Variants in PTPRD observed in about 807,000 individuals in gnomAD.
PTPRD encodes the protein protein tyrosine phosphatase receptor type D.
A neutral mutation model predicts 214.5 loss-of-function variants in PTPRD; 34 were observed. The observed-to-expected ratio is 0.16, with a 90% CI of 0.12 to 0.21. PTPRD has a LOEUF of 0.21. PTPRD is among the 10% of genes least tolerant of loss of function. The pLI is 1.00. For synonymous variants in PTPRD, 1,128 were observed against 845.7 expected, an observed-to-expected ratio of 1.33 and a Z score of -5.79; for missense variants, 2,545 against 2,398.7, an observed-to-expected ratio of 1.06 and a Z score of -1.27.
chr9:9,299,109 T>C (rs1424497186), intron 9 of PTPRD, among the ~76,000 whole-genome samples: 1 of 151,740 alleles, frequency 6.6e-6, no homozygotes, highest in Admixed American at 6.6e-5. Flanking sequence ...GAAAAACTAA[T>C]TGTGTCTCCA....
At chr9:8,372,741 T>C (rs1395445250) in intron 39 of PTPRD, among the ~76,000 whole-genome samples, 1 of 152,060 alleles carries the variant, frequency 6.6e-6, no homozygotes, top group African/African-American at 2.4e-5. Context: ...ATCCCTAAAA[T>C]TCTTTTTTGT....
intron 2 of PTPRD, among the ~76,000 whole-genome samples, chr9:10,351,092 T>C (rs1370980391): frequency 6.6e-6 from 1 of 152,128 alleles, no homozygotes; most frequent in East Asian, 1.9e-4. Context: ...GAAGTCATGA[T>C]ACATAAAGTC....
chr9:9,428,157 T>G (rs1031262635), intron 8 of PTPRD, among the ~76,000 whole-genome samples: 1 of 151,942 alleles, frequency 6.6e-6, no homozygotes, highest in African/African-American at 2.4e-5. Context: ...TGTGCTATAC[T>G]CAGGAGATCC....
intron 2 of PTPRD, among the ~76,000 whole-genome samples, chr9:10,360,860 T>C (rs1026765898): frequency 3.3e-5 from 5 of 152,250 alleles, no homozygotes; most frequent in Admixed American, 2.0e-4. Flanking sequence ...CCCAGCACTT[T>C]GGGAGGCCAA....
chr9:9,439,713 C>T (rs549867577), intron 8 of PTPRD, among the ~76,000 whole-genome samples: 1 of 152,180 alleles, frequency 6.6e-6, no homozygotes, highest in Non-Finnish European at 1.5e-5. Context: ...AAGATTCTTA[C>T]CTTCACTACC....
intron 8 of PTPRD, among the ~76,000 whole-genome samples, chr9:9,469,041 T>C (rs1260347703): frequency 6.6e-6 from 1 of 152,134 alleles, no homozygotes; most frequent in African/African-American, 2.4e-5. Flanking sequence ...AAGAGCTACA[T>C]TTGTGGTCAT....
intron 37 of PTPRD, among the ~76,000 whole-genome samples, chr9:8,383,538 C>G (rs953202437): frequency 6.6e-6 from 1 of 152,110 alleles, no homozygotes; most frequent in African/African-American, 2.4e-5. Flanking sequence ...ATCTGCTTTA[C>G]TAATATATGG....
At chr9:10,284,120 G>A (rs898292035) in intron 3 of PTPRD, among the ~76,000 whole-genome samples, 1 of 152,128 alleles carries the variant, frequency 6.6e-6, no homozygotes. Context: ...TGTTGAGATT[G>A]GATTTTTCCT....
At chr9:9,931,524 T>G (rs1004304597) in intron 5 of PTPRD, among the ~76,000 whole-genome samples, 24 of 152,154 alleles carry the variant, frequency 1.6e-4, no homozygotes, top group African/African-American at 5.8e-4. Flanking sequence ...CCGACGGGCT[T>G]AAAAAACAGT....
chr9:10,104,410 C>T (rs1013437904), intron 3 of PTPRD, among the ~76,000 whole-genome samples: 8 of 151,574 alleles, frequency 5.3e-5, no homozygotes, highest in African/African-American at 1.7e-4. Context: ...TTCCTATATA[C>T]ACGAACACAC....
chr9:10,347,152 T>G (rs1012913404), intron 2 of PTPRD, among the ~76,000 whole-genome samples: 2 of 152,150 alleles, frequency 1.3e-5, no homozygotes, highest in Admixed American at 6.5e-5. Context: ...TCTCTACTCT[T>G]CTTTTCTCAT....
At chr9:9,469,321 A>C (rs1470751441) in intron 8 of PTPRD, among the ~76,000 whole-genome samples, 1 of 152,164 alleles carries the variant, frequency 6.6e-6, no homozygotes, top group Non-Finnish European at 1.5e-5. Flanking sequence ...TCATTTAGAA[A>C]TAATCTGAAA....
intron 2 of PTPRD, among the ~76,000 whole-genome samples, chr9:10,538,302 G>A (rs1327504250): frequency 1.3e-5 from 2 of 149,802 alleles, no homozygotes; most frequent in Admixed American, 6.7e-5. Context: ...AAATAAAAAG[G>A]GAGAGGAGTG....
intron 14 of PTPRD, among the ~76,000 whole-genome samples, chr9:8,567,525 G>A (rs1294717414): frequency 6.6e-6 from 1 of 152,176 alleles, no homozygotes; most frequent in Non-Finnish European, 1.5e-5. Flanking sequence ...GTTCTTTGAG[G>A]AATGGAATGG....
intron 12 of PTPRD, among the ~76,000 whole-genome samples, chr9:8,648,683 TTACA>T (rs1197622043): frequency 2.0e-5 from 3 of 152,202 alleles, no homozygotes; most frequent in African/African-American, 7.2e-5. Flanking sequence ...AAGTTATGCA[TTACA>T]TACAATCTCC....
At chr9:9,162,886 C>A (rs890412237) in intron 10 of PTPRD, among the ~76,000 whole-genome samples, 2 of 152,030 alleles carry the variant, frequency 1.3e-5, no homozygotes, top group South Asian at 2.1e-4. Flanking sequence ...TTACATGTTG[C>A]GAAATGTAGA....
chr9:8,993,142 G>T (rs2099384012), intron 11 of PTPRD, among the ~76,000 whole-genome samples: 1 of 151,932 alleles, frequency 6.6e-6, no homozygotes, highest in South Asian at 2.1e-4. Context: ...TGCACAGATA[G>T]GGACTTATTT....
chr9:10,430,564 C>T (rs1427300542), intron 2 of PTPRD, among the ~76,000 whole-genome samples: 1 of 151,802 alleles, frequency 6.6e-6, no homozygotes, highest in Non-Finnish European at 1.5e-5. Flanking sequence ...CAACACAATG[C>T]TAATATTTTG....
intron 10 of PTPRD, among the ~76,000 whole-genome samples, chr9:9,021,761 A>G (rs1291403440): frequency 6.6e-6 from 1 of 152,272 alleles, no homozygotes; most frequent in East Asian, 1.9e-4. Context: ...AGTAAAAAAA[A>G]GTTTTAAGTA....
Sources: gnomAD v4.1 joint callset for allele counts (sites outside exome capture counted in the v4.1 genomes callset) on GRCh38, gnomAD v4.1.1 for gene constraint, MANE v1.5 for transcripts, NCBI Gene and HGNC (gene_info 2026-07-23, HGNC 2026-07-21) for gene names.